SHISA9: variants seen among roughly 807,000 people sequenced by gnomAD.
The protein encoded by SHISA9 is protein shisa-9.
Under a neutral mutation model 38.0 loss-of-function variants are expected in SHISA9, and 13 were observed. The ratio of observed to expected loss-of-function variants is 0.34; its 90% CI spans 0.22 to 0.54. The LOEUF (loss-of-function observed/expected upper bound fraction) is 0.54, where lower values mean the gene tolerates loss of function less well. Among genes scored for constraint, SHISA9 ranks in the 20% least tolerant of loss-of-function variants. SHISA9 has a pLI of 0.91. For synonymous variants in SHISA9, 275 were observed against 242.0 expected, an observed-to-expected ratio of 1.14 and a Z score of -1.27; for missense variants, 538 against 575.8, an observed-to-expected ratio of 0.93 and a Z score of 0.67.
At chr16:13,452,040 C>T in the SHISA9 span, among the ~76,000 whole-genome samples, 4,304 of 152,200 alleles carry the variant, frequency 0.028, 102 homozygotes, top group Non-Finnish European at 0.047. Flanking sequence ...CCTTTGATTC[C>T]CCAATACCTC....
chr16:13,184,346 A>G (rs1327571628), intron 2 of SHISA9, among the ~76,000 whole-genome samples: 1 of 152,154 alleles, frequency 6.6e-6, no homozygotes, highest in Non-Finnish European at 1.5e-5. Flanking sequence ...ATGGATTCCC[A>G]TCTTAAGCTA....
intron 2 of SHISA9, among the ~76,000 whole-genome samples, chr16:12,965,072 C>T (rs2071960026): frequency 6.6e-6 from 1 of 151,916 alleles, no homozygotes; most frequent in African/African-American, 2.4e-5. Flanking sequence ...TATGTATATA[C>T]CTTTCCTTCA....
Position 13,035,436 on chromosome 16 carries a change from G to A in SHISA9, c.691+118621G>A, listed in dbSNP as rs75226394. On this transcript the variant is annotated intron_variant, in intron 2 of 4. Transcript: ENST00000558583. ...CCCAGAATCCCATGTTGGTGATAGA[G>A]GTTTGTCCACAGAGCTCAATAATTC... Among the ~76,000 whole-genome samples, 701 of 152,254 alleles carry A rather than the reference G, an allele frequency of 4.6e-3. 9 individuals are homozygous for A. Among genetic ancestry groups the A allele is most frequent in the African/African-American group, 0.015 (614 of 41,550 alleles).
the SHISA9 span, among the ~76,000 whole-genome samples, chr16:13,488,695 G>A: frequency 2.0e-5 from 3 of 152,168 alleles, no homozygotes; most frequent in Non-Finnish European, 4.4e-5. Flanking sequence ...GTATGTAAAA[G>A]TTACAGTGTT....
the SHISA9 span, among the ~76,000 whole-genome samples, chr16:13,400,062 G>C: frequency 6.6e-6 from 1 of 152,198 alleles, no homozygotes; most frequent in Non-Finnish European, 1.5e-5. Flanking sequence ...AGCTTTAACT[G>C]TGAGTACTTA....
chr16:13,330,738 G>C, the SHISA9 span, among the ~76,000 whole-genome samples: 1 of 152,192 alleles, frequency 6.6e-6, no homozygotes, highest in Non-Finnish European at 1.5e-5. Flanking sequence ...GGGTGTCAAA[G>C]TTAATTTCAG....
intron 2 of SHISA9, among the ~76,000 whole-genome samples, chr16:12,944,709 G>T (rs888069143): frequency 2.6e-5 from 4 of 152,148 alleles, no homozygotes; most frequent in African/African-American, 9.7e-5. Flanking sequence ...TGTTCCTTAT[G>T]CAGGAATAGT....
the SHISA9 span, among the ~76,000 whole-genome samples, chr16:13,259,666 C>A: frequency 6.6e-6 from 1 of 152,218 alleles, no homozygotes; most frequent in Non-Finnish European, 1.5e-5. Context: ...ATGCTCAGTA[C>A]CACATAGAAG....
the SHISA9 span, among the ~76,000 whole-genome samples, chr16:13,551,086 T>A: frequency 6.7e-6 from 1 of 149,418 alleles, no homozygotes; most frequent in East Asian, 2.0e-4. Flanking sequence ...ATCACGCCAC[T>A]GCACTCCAGC....
At chr16:12,988,555 C>T (rs992035418) in intron 2 of SHISA9, among the ~76,000 whole-genome samples, 7 of 152,248 alleles carry the variant, frequency 4.6e-5, no homozygotes, top group East Asian at 1.9e-4. Context: ...GACAGCCTCT[C>T]GCTCTGTCAC....
At chr16:13,110,769 T>A (rs1384710527) in intron 2 of SHISA9, among the ~76,000 whole-genome samples, 1 of 152,238 alleles carries the variant, frequency 6.6e-6, no homozygotes, top group Non-Finnish European at 1.5e-5. Context: ...GAATTTGGTC[T>A]CAGACAGCTG....
At chr16:12,969,028 G>A (rs780852699) in intron 2 of SHISA9, among the ~76,000 whole-genome samples, 1 of 151,818 alleles carries the variant, frequency 6.6e-6, no homozygotes, top group Non-Finnish European at 1.5e-5. Flanking sequence ...GTGGTGGTGC[G>A]CACCTGTAGT....
intron 1 of SHISA9, 59 bp downstream of exon 1, chr16:12,902,686 C>A: frequency 7.0e-7 from 1 of 1,435,052 alleles, no homozygotes; most frequent in East Asian, 2.5e-5. Flanking sequence ...TCTCTCCTCC[C>A]CACCTTCCCC....
At chr16:13,051,470 G>A (rs754253535) in intron 2 of SHISA9, among the ~76,000 whole-genome samples, 33 of 152,296 alleles carry the variant, frequency 2.2e-4, no homozygotes, top group Non-Finnish European at 3.5e-4. Flanking sequence ...AATGAATATC[G>A]ACTACTTCTG....
At chr16:13,242,799 C>G (rs947628208), downstream of SHISA9, among the ~76,000 whole-genome samples, 3 of 152,194 alleles carry the variant, frequency 2.0e-5, no homozygotes, top group Admixed American at 6.5e-5. Flanking sequence ...AATTGAGTCT[C>G]TTACCACTTT....
chr16:12,969,583 A>G (rs1368525157), intron 2 of SHISA9, among the ~76,000 whole-genome samples: 1 of 151,796 alleles, frequency 6.6e-6, no homozygotes, highest in African/African-American at 2.4e-5. Context: ...TGTCTCTACT[A>G]AAAAAACAGA....
chr16:13,089,919 G>A (rs958896740), intron 2 of SHISA9, among the ~76,000 whole-genome samples: 2 of 152,130 alleles, frequency 1.3e-5, no homozygotes, highest in Non-Finnish European at 2.9e-5. Context: ...GGTCTTTCCT[G>A]CTTTCTCTTG....
chr16:13,437,923 T>TGTTTCTTTTTTTTTTTTTTGA, the SHISA9 span, among the ~76,000 whole-genome samples: 8 of 150,030 alleles, frequency 5.3e-5, no homozygotes, highest in Admixed American at 6.7e-5. Flanking sequence ...TGGAGTGCAG[T>TGTTTCTTTTTTTTTTTTTTGA]GACGTGATCT....
At chr16:12,919,630 GGA>G (rs2071302621) in intron 2 of SHISA9, among the ~76,000 whole-genome samples, 1 of 151,878 alleles carries the variant, frequency 6.6e-6, no homozygotes. Flanking sequence ...AGAGGGCCAT[GGA>G]GAGAGACTTG....
Sources: allele counts gnomAD v4.1 joint callset (sites outside exome capture counted in the v4.1 genomes callset), GRCh38; gene constraint gnomAD v4.1.1; transcripts MANE v1.5; gene names NCBI Gene and HGNC (gene_info 2026-07-23, HGNC 2026-07-21).